The following FGF14 variants were observed in gnomAD, a reference collection of about 807,000 sequenced individuals.
The protein encoded by FGF14 is fibroblast growth factor 14.
A neutral mutation model predicts 25.5 loss-of-function variants in FGF14; 5 were observed. The observed-to-expected ratio is 0.20, with a 90% CI of 0.10 to 0.41. The LOEUF (loss-of-function observed/expected upper bound fraction) is 0.41, where lower values mean the gene tolerates loss of function less well. Among genes scored for constraint, FGF14 ranks in the 10% least tolerant of loss-of-function variants. The pLI is 1.00. For missense variants in FGF14, 222 were observed against 320.1 expected (o/e 0.69, Z 2.34); for synonymous variants, 138 against 118.3 (o/e 1.17, Z -1.08).
chr13:101,916,119 G>GC (rs1417335930), intron 1 of FGF14, among the ~76,000 whole-genome samples: 1 of 152,204 alleles, frequency 6.6e-6, no homozygotes, highest in African/African-American at 2.4e-5. Flanking sequence ...GGGGTGCCCC[G>GC]CGTTCCAGAG....
intron 1 of FGF14, among the ~76,000 whole-genome samples, chr13:102,248,195 C>T (rs371821270): frequency 5.3e-5 from 8 of 152,048 alleles, no homozygotes; most frequent in African/African-American, 1.7e-4. Flanking sequence ...CCCCACAACA[C>T]GAGTTTATCT....
chr13:101,797,167 C>T (rs901315840), intron 3 of FGF14, among the ~76,000 whole-genome samples: 1 of 152,150 alleles, frequency 6.6e-6, no homozygotes, highest in South Asian at 2.1e-4. Flanking sequence ...TGTAAACTTA[C>T]TGAATGCATT....
At chr13:102,307,732 T>C (rs2055474567) in intron 1 of FGF14, among the ~76,000 whole-genome samples, 1 of 152,180 alleles carries the variant, frequency 6.6e-6, no homozygotes, top group Admixed American at 6.5e-5. Context: ...AACATTCTTA[T>C]AAAGCAACTT....
At chr13:101,801,710 A>AG (rs1381617943) in intron 3 of FGF14, among the ~76,000 whole-genome samples, 1 of 152,224 alleles carries the variant, frequency 6.6e-6, no homozygotes, top group African/African-American at 2.4e-5. Flanking sequence ...ACTTTGGCAG[A>AG]GTTCAGTGTT....
At position 102,269,038 on chromosome 13, in the gene FGF14, T is replaced by C. The variant is rs889933818; in HGVS notation, c.208+132433A>G. ...TTTCTTACTAAATGGTGAAGTAACA[T>C]TCAACTGAGAAAAACATAATTCAAG... On this transcript the variant is annotated intron_variant, in intron 1 of 4. Coordinates refer to the FGF14 transcript ENST00000376131. Among the ~76,000 whole-genome samples, 4 of 152,298 alleles carry C rather than the reference T, an allele frequency of 2.6e-5. 1 individual carries two copies.
chr13:102,181,607 A>C (rs1306229404), intron 1 of FGF14, among the ~76,000 whole-genome samples: 1 of 152,186 alleles, frequency 6.6e-6, no homozygotes, highest in East Asian at 1.9e-4. Context: ...TGCAAATCAG[A>C]AAATGCTAAG....
At chr13:102,368,143 A>T (rs1239594957) in intron 1 of FGF14, 1 of 152,186 alleles carries the variant, frequency 6.6e-6, no homozygotes, top group Non-Finnish European at 1.5e-5. Context: ...AAACCTTTAT[A>T]TTACTAGGCC....
rs950733254 is a variant in FGF14 at position 101,975,297 on chromosome 13, C to A, written c.209-100001G>T. On this transcript the variant is annotated intron_variant, in intron 1 of 4. Transcript: ENST00000376131. ...CCCCAGGGCTGTCCTCCAGTGGGAG[C>A]CAGCACTAACCCCCTCGACTCCTCA... is the stretch of plus-strand genomic sequence containing the variant. Among the ~76,000 whole-genome samples the A allele has an allele frequency of 6.6e-5, 10 of 152,246 alleles. No homozygotes were observed. The South Asian group carries it at 2.1e-3, about 32-fold the overall frequency.
Position 102,157,119 on chromosome 13 carries a change from G to T in FGF14, c.208+244352C>A, listed in dbSNP as rs555191980. 1.8e-4 allele frequency among the ~76,000 whole-genome samples: 28 copies of T among 152,226 alleles called. No individual in the cohort carries two copies. The East Asian group carries it at 5.4e-3, about 29-fold the overall frequency. ...ACAGATTCAATGCCATCCCCATCAA[G>T]CTACCAATGACTTTCTTCACAGAAT... On this transcript the variant is annotated intron_variant, in intron 1 of 4. Transcript: ENST00000376131.
At chr13:101,856,187 T>C (rs1273536727) in intron 3 of FGF14, among the ~76,000 whole-genome samples, 3 of 151,818 alleles carry the variant, frequency 2.0e-5, no homozygotes, top group Non-Finnish European at 2.9e-5. Context: ...TATTTCTCCA[T>C]GGACATTAAA....
chr13:101,982,211 C>T (rs1399484744), intron 1 of FGF14, among the ~76,000 whole-genome samples: 4 of 152,058 alleles, frequency 2.6e-5, no homozygotes, highest in Non-Finnish European at 1.5e-5. Flanking sequence ...TAAATTGCTC[C>T]ATCACAGTTA....
At chr13:102,169,093 G>C (rs2048137809) in intron 1 of FGF14, among the ~76,000 whole-genome samples, 1 of 151,166 alleles carries the variant, frequency 6.6e-6, no homozygotes, top group Non-Finnish European at 1.5e-5. Context: ...TCCTACCTTA[G>C]GATATATGAA....
At chr13:101,895,427 T>C (rs1566393353) in intron 1 of FGF14, among the ~76,000 whole-genome samples, 1 of 152,174 alleles carries the variant, frequency 6.6e-6, no homozygotes, top group East Asian at 1.9e-4. Flanking sequence ...ATTCCTCCAG[T>C]TACTTCCTAC....
At chr13:102,041,583 T>TAAAAAAAAAAAAAAAAAA (rs11430268) in intron 1 of FGF14, among the ~76,000 whole-genome samples, 16 of 141,946 alleles carry the variant, frequency 1.1e-4, no homozygotes, top group African/African-American at 3.7e-4. Flanking sequence ...TGTTTCCATG[T>TAAAAAAAAAAAAAAAAAA]AAAAAAAAAA....
chr13:102,269,818 A>T (rs1359004489), intron 1 of FGF14, among the ~76,000 whole-genome samples: 1 of 152,140 alleles, frequency 6.6e-6, no homozygotes, highest in Non-Finnish European at 1.5e-5. Context: ...CAGCCTGGGC[A>T]ACACAATGAG....
chr13:102,077,151 T>C (rs1378880838), intron 1 of FGF14, among the ~76,000 whole-genome samples: 1 of 152,114 alleles, frequency 6.6e-6, no homozygotes, highest in Non-Finnish European at 1.5e-5. Context: ...CTTAACCTAA[T>C]AAATCTTAAA....
At chr13:101,903,144 T>C (rs945794996) in intron 1 of FGF14, among the ~76,000 whole-genome samples, 2 of 152,176 alleles carry the variant, frequency 1.3e-5, no homozygotes, top group Admixed American at 6.5e-5. Flanking sequence ...TTCAATATTA[T>C]CTACCAGAAC....
At chr13:101,795,949 C>A (rs375133033) in intron 3 of FGF14, among the ~76,000 whole-genome samples, 18 of 152,034 alleles carry the variant, frequency 1.2e-4, no homozygotes, top group Admixed American at 4.6e-4. Flanking sequence ...GGAAAAAATG[C>A]CAAATACGAT....
chr13:101,876,759 T>C (rs1262031251), intron 1 of FGF14, among the ~76,000 whole-genome samples: 1 of 152,146 alleles, frequency 6.6e-6, no homozygotes, highest in Non-Finnish European at 1.5e-5. Flanking sequence ...CTGTAGTATA[T>C]AACTTCCCAA....
Sources: gnomAD v4.1 joint callset for allele counts (sites outside exome capture counted in the v4.1 genomes callset) on GRCh38, gnomAD v4.1.1 for gene constraint, MANE v1.5 for transcripts, NCBI Gene and HGNC (gene_info 2026-07-23, HGNC 2026-07-21) for gene names.